Variants in FAM53B observed in about 807,000 individuals in gnomAD.
The protein encoded by FAM53B is family with sequence similarity 53 member B, also known as protein FAM53B.
A neutral mutation model predicts 32.7 loss-of-function variants in FAM53B; 12 were observed. The observed-to-expected ratio is 0.37, with a 90% CI of 0.24 to 0.59. The LOEUF is 0.59. Among genes scored for constraint, FAM53B ranks in the 20% least tolerant of loss-of-function variants. The pLI, the probability that FAM53B is intolerant of heterozygous loss-of-function variation, is 0.72. For synonymous variants in FAM53B, 234 were observed against 228.7 expected (o/e 1.02, Z -0.21); for missense variants, 477 against 577.7 (o/e 0.83, Z 1.79).
intron 1 of FAM53B, among the ~76,000 whole-genome samples, chr10:124,708,710 G>A (rs1949978248): frequency 6.6e-6 from 1 of 152,258 alleles, no homozygotes; most frequent in East Asian, 1.9e-4. Context: ...AAGCCTAATG[G>A]CAGCCGTCAT....
intron 1 of FAM53B, among the ~76,000 whole-genome samples, chr10:124,724,428 G>C (rs530011558): frequency 4.6e-5 from 7 of 152,142 alleles, no homozygotes; most frequent in Middle Eastern, 3.2e-3. Context: ...TCTGCGCACC[G>C]GACAGCCACA....
intron 4 of FAM53B, among the ~76,000 whole-genome samples, chr10:124,626,731 G>A (rs1468011683): frequency 2.0e-5 from 3 of 152,238 alleles, no homozygotes; most frequent in Non-Finnish European, 4.4e-5. Context: ...ACGGGCACTG[G>A]AGACCCATTA....
At chr10:124,676,327 G>A (rs890725369) in intron 4 of FAM53B, among the ~76,000 whole-genome samples, 15 of 152,156 alleles carry the variant, frequency 9.9e-5, no homozygotes, top group African/African-American at 3.1e-4. Context: ...TCTACTTGCC[G>A]TCAGCACAGC....
chr10:124,715,998 A>G (rs568910962), intron 1 of FAM53B, among the ~76,000 whole-genome samples: 5 of 152,318 alleles, frequency 3.3e-5, no homozygotes, highest in African/African-American at 1.2e-4. Flanking sequence ...GGCCAAGAAT[A>G]TGTTTTTGAG....
intron 4 of FAM53B, among the ~76,000 whole-genome samples, chr10:124,662,854 T>C (rs1949643582): frequency 6.6e-6 from 1 of 152,096 alleles, no homozygotes; most frequent in Non-Finnish European, 1.5e-5. Flanking sequence ...CACTCACACC[T>C]TGGTAGGTGC....
At chr10:124,692,743 A>T in intron 3 of FAM53B, among the ~76,000 whole-genome samples, 1 of 141,734 alleles carries the variant, frequency 7.1e-6, no homozygotes, top group Admixed American at 7.1e-5. Flanking sequence ...AAAAAAAGGC[A>T]TTGTTGTGAA....
At chr10:124,650,501 T>C (rs1185783553) in intron 4 of FAM53B, among the ~76,000 whole-genome samples, 1 of 151,388 alleles carries the variant, frequency 6.6e-6, no homozygotes, top group Non-Finnish European at 1.5e-5. Context: ...CCAGATGTGC[T>C]AGGCGCTCTA....
rs200360268 is a variant in FAM53B, at chr10:124,675,166, G to A, written c.906+6441C>T. ...GTGCAACCTGAGGGCTGTGACTAGA[G>A]ACAGAAAGGAGGGATCCAGGCGGAG... On this transcript the variant is annotated intron_variant, in intron 4 of 4. Transcript: ENST00000337318. Among the ~76,000 whole-genome samples, 14 of 152,356 alleles carry A rather than the reference G, an allele frequency of 9.2e-5. No individual in the cohort carries two copies. The East Asian group carries it at 2.5e-3, about 27-fold the overall frequency.
chr10:124,677,229 G>C (rs1949741723), intron 4 of FAM53B, among the ~76,000 whole-genome samples: 1 of 152,248 alleles, frequency 6.6e-6, no homozygotes, highest in South Asian at 2.1e-4. Flanking sequence ...CCAATGCTGG[G>C]TGGTCAAACC....
rs549640569 is a variant in FAM53B at position 124,626,597 on chromosome 10, T to C, written c.907-2993A>G. On this transcript the variant is annotated intron_variant, in intron 4 of 4. Transcript: ENST00000337318. The stretch of plus-strand genomic sequence containing the variant: ...CCCCGATCCTGTTGGCACCTGGATC[T>C]TGGACTTCCCAGCTTCTAACTAAGA... Among the ~76,000 whole-genome samples, 3 of 152,302 alleles carry C rather than the reference T, an allele frequency of 2.0e-5. No homozygotes were observed. In the East Asian group the frequency reaches 5.8e-4, roughly 29 times the overall value.
At position 124,651,406 on chromosome 10, in the gene FAM53B, A is replaced by C. The variant is rs1336934531; in HGVS notation, c.907-27802T>G. Among the ~76,000 whole-genome samples the C allele has an allele frequency of 6.6e-6, 1 of 152,184 alleles. No individual in the cohort carries two copies. Among genetic ancestry groups the C allele is most frequent in the African/African-American group, 2.4e-5 (1 of 41,436 alleles). On this transcript the variant is annotated intron_variant, in intron 4 of 4. Coordinates refer to ENST00000337318, the MANE Select transcript of FAM53B (RefSeq NM_014661.4). The surrounding 1 kb of genome is among the most constrained non-coding windows in gnomAD (Gnocchi z 5.2). ...TGAGCCTGCTCTGCTCTGTCCTCCC[A>C]GCTACACAGGACAGGCAGGGATGAA...
chr10:124,706,870 C>T lies in FAM53B; in HGVS notation c.-157G>A. 1 of 1,465,224 alleles carries T rather than the reference C, an allele frequency of 6.8e-7. No homozygotes were observed. Among genetic ancestry groups the T allele is most frequent in the Non-Finnish European group, 9.0e-7 (1 of 1,111,186 alleles). The allele number at this position is 1,465,224 out of a possible 1,614,324, so 90.8% of individuals were successfully genotyped here. On this transcript the variant is annotated 5_prime_UTR_variant, in exon 2 of 5. Coordinates refer to ENST00000337318, the MANE Select transcript of FAM53B (RefSeq NM_014661.4). ...GGGGTGGGGCCCTTCTGGGAAATGG[C>T]CAAATGTGGTCAACTCCCTGGAAAG...
chr10:124,653,451 C>G (rs1949568320), intron 4 of FAM53B, among the ~76,000 whole-genome samples: 1 of 152,210 alleles, frequency 6.6e-6, no homozygotes, highest in African/African-American at 2.4e-5. Flanking sequence ...CTGCCAGGGT[C>G]CCGGATGGCC....
chr10:124,674,891 G>A (rs918145202), intron 4 of FAM53B, among the ~76,000 whole-genome samples: 6 of 152,222 alleles, frequency 3.9e-5, no homozygotes, highest in Non-Finnish European at 2.9e-5. Context: ...CTCCCAGCAT[G>A]GCCGGGGCTC....
intron 4 of FAM53B, among the ~76,000 whole-genome samples, chr10:124,638,701 G>C (rs1050907158): frequency 6.6e-6 from 1 of 152,262 alleles, no homozygotes; most frequent in Non-Finnish European, 1.5e-5. Context: ...GCTGGGGCGG[G>C]GGAGGCCATG....
At chr10:124,696,045 C>T in intron 3 of FAM53B, 113 bp downstream of exon 3, 2 of 857,274 alleles carry the variant, frequency 2.3e-6, no homozygotes, top group South Asian at 1.4e-5. Context: ...AGTCCCGGGG[C>T]TGCTCTTTTT....
rs759025156 is a variant in FAM53B at position 124,682,354 on chromosome 10, G to A, written c.159C>T (p.Asp53=). The change falls in exon 4 of 5, where the codon GAC becomes GAT. Residue 53 remains aspartate, a synonymous_variant. Transcript: ENST00000337318. The surrounding 1 kb of genome is among the most constrained non-coding windows in gnomAD (Gnocchi z 5.2). ...GGTCAATCTGAAGAGGGCATTTCCT[G>A]TCCAGGTCTCGCCATCTGTCATTTT... ...IMENDRWRDL[D]RKCPLQIDQP... 3.7e-6 allele frequency: 6 copies of A among 1,604,592 alleles called. No individual in the cohort carries two copies. Among genetic ancestry groups the A allele is most frequent in the Non-Finnish European group, 3.4e-6 (4 of 1,173,526 alleles).
intron 4 of FAM53B, among the ~76,000 whole-genome samples, chr10:124,661,690 G>C (rs377002387): frequency 6.6e-6 from 1 of 152,188 alleles, no homozygotes; most frequent in African/African-American, 2.4e-5. Flanking sequence ...AAGCACGAGG[G>C]GGTTCCTTCA....
chr10:124,701,217 T>G (rs1949913140), intron 2 of FAM53B, among the ~76,000 whole-genome samples: 1 of 152,234 alleles, frequency 6.6e-6, no homozygotes, highest in African/African-American at 2.4e-5. Context: ...CAACTTAGCA[T>G]GGCCCGAAGT....
Sources: gnomAD v4.1 joint callset for allele counts (sites outside exome capture counted in the v4.1 genomes callset) on GRCh38, gnomAD v4.1.1 for gene constraint, Gnocchi (gnomAD v3.1) non-coding constraint, MANE v1.5 for transcripts, NCBI Gene and HGNC (gene_info 2026-07-23, HGNC 2026-07-21) for gene names.